CTTNBP2: variants seen among roughly 807,000 people sequenced by gnomAD.
CTTNBP2 encodes the protein cortactin-binding protein 2.
A neutral mutation model predicts 156.9 loss-of-function variants in CTTNBP2; 108 were observed. The ratio of observed to expected loss-of-function variants is 0.69; its 90% CI spans 0.59 to 0.81. The LOEUF (loss-of-function observed/expected upper bound fraction) is 0.81, where lower values mean the gene tolerates loss of function less well. CTTNBP2 is among the 30% of genes least tolerant of loss of function. The pLI is 0.00. For synonymous variants in CTTNBP2, 767 were observed against 751.8 expected (o/e 1.02, Z -0.33); for missense variants, 1,924 against 2,035.4 (o/e 0.95, Z 1.05).
intron 2 of CTTNBP2, among the ~76,000 whole-genome samples, chr7:117,822,343 A>T (rs1801015944): frequency 6.6e-6 from 1 of 151,690 alleles, no homozygotes; most frequent in African/African-American, 2.4e-5. Flanking sequence ...CTTTATTATT[A>T]TTTTTCCTAT....
intron 9 of CTTNBP2, among the ~76,000 whole-genome samples, chr7:117,763,543 T>TTTC (rs1021669079): frequency 3.6e-4 from 52 of 146,430 alleles, no homozygotes; most frequent in Non-Finnish European, 6.8e-4. Flanking sequence ...TTGTTTTCTT[T>TTTC]TTCTTCTTCT....
chr7:117,739,296 G>A (rs917896135), intron 14 of CTTNBP2, among the ~76,000 whole-genome samples: 1 of 152,146 alleles, frequency 6.6e-6, no homozygotes, highest in Non-Finnish European at 1.5e-5. Context: ...TCTCTGATCA[G>A]GGCTTATGGA....
chr7:117,775,857 C>T (rs150389055), intron 8 of CTTNBP2, among the ~76,000 whole-genome samples: 4 of 152,046 alleles, frequency 2.6e-5, no homozygotes, highest in Non-Finnish European at 5.9e-5. Flanking sequence ...ATCAAGTTCC[C>T]AGAATTTTTT....
chr7:117,830,077 T>C (rs1801509464), intron 2 of CTTNBP2, among the ~76,000 whole-genome samples: 1 of 152,220 alleles, frequency 6.6e-6, no homozygotes, highest in African/African-American at 2.4e-5. Context: ...AAATGATTTT[T>C]AAAAATCAAT....
intron 12 of CTTNBP2, chr7:117,755,504 C>A (rs1380996409): frequency 1.3e-5 from 6 of 466,638 alleles, no homozygotes; most frequent in African/African-American, 8.0e-5. Flanking sequence ...GAGACTTGCA[C>A]AATCCTGGCT....
chr7:117,773,191 G>C (rs923728992), intron 8 of CTTNBP2, among the ~76,000 whole-genome samples: 1 of 152,112 alleles, frequency 6.6e-6, no homozygotes. Context: ...ATGCGACAAC[G>C]AATAACTTTA....
intron 8 of CTTNBP2, among the ~76,000 whole-genome samples, chr7:117,770,106 C>A (rs1175763858): frequency 6.6e-6 from 1 of 152,088 alleles, no homozygotes; most frequent in Non-Finnish European, 1.5e-5. Flanking sequence ...GAAAACAGTC[C>A]AAATATCCAG....
intron 2 of CTTNBP2, among the ~76,000 whole-genome samples, chr7:117,817,347 A>T (rs28461753): frequency 0.012 from 584 of 48,430 alleles, 53 homozygotes; most frequent in African/African-American, 0.044. Context: ...AAAAAAAAAA[A>T]AAAAAAAAAA....
intron 22 of CTTNBP2, 57 bp from the exon 23 acceptor site, chr7:117,711,839 T>TA: frequency 6.6e-7 from 1 of 1,518,522 alleles, no homozygotes; most frequent in Non-Finnish European, 8.9e-7. Context: ...TTATGAGCCC[T>TA]ACCCCTGCCT....
chr7:117,749,275 C>T (rs1258996485), intron 12 of CTTNBP2, among the ~76,000 whole-genome samples: 2 of 152,168 alleles, frequency 1.3e-5, no homozygotes, highest in East Asian at 3.8e-4. Context: ...TGTGGACCAC[C>T]ACTGGCTTCA....
At chr7:117,830,811 C>G (rs911571792) in intron 2 of CTTNBP2, among the ~76,000 whole-genome samples, 4 of 152,134 alleles carry the variant, frequency 2.6e-5, no homozygotes, top group African/African-American at 9.7e-5. Context: ...ACTTCTCTGG[C>G]TGAATTAATT....
intron 1 of CTTNBP2, among the ~76,000 whole-genome samples, chr7:117,870,211 G>C (rs1258560395): frequency 2.0e-5 from 3 of 152,136 alleles, no homozygotes; most frequent in Non-Finnish European, 2.9e-5. Flanking sequence ...TATTACTTTA[G>C]GGTAGCAAAG....
At chr7:117,751,629 G>C (rs1017618707) in intron 12 of CTTNBP2, among the ~76,000 whole-genome samples, 3 of 152,164 alleles carry the variant, frequency 2.0e-5, no homozygotes, top group African/African-American at 7.2e-5. Context: ...TTAATCATTT[G>C]TTGAGGTCCC....
chr7:117,784,556 T>C, intron 4 of CTTNBP2, 102 bp from the exon 5 acceptor site: 2 of 760,564 alleles, frequency 2.6e-6, no homozygotes, highest in South Asian at 4.3e-5. Context: ...TATGAACATG[T>C]GTCCCTAGAG....
rs549369811 is a variant in CTTNBP2 at position 117,795,051 on chromosome 7, C to T, written c.415-2270G>A. On this transcript the variant is annotated intron_variant, in intron 3 of 22. Transcript: ENST00000160373. ...CTGGTACTACAGGCGCCCGCCACCG[C>T]GCCCGGCTAATTTTTTTTGTATTTT... Among the ~76,000 whole-genome samples the T allele has an allele frequency of 8.6e-5, 13 of 151,300 alleles. 1 individual carries two copies. The East Asian group carries it at 1.8e-3, about 20-fold the overall frequency.
At chr7:117,717,995 T>C in intron 22 of CTTNBP2, 23 bp downstream of exon 22, 1 of 1,399,578 alleles carries the variant, frequency 7.1e-7, no homozygotes, top group Non-Finnish European at 1.0e-6. Flanking sequence ...CTTTGTTCAC[T>C]TTGGGGAGAA....
At chr7:117,802,244 TCA>T (rs1467171432) in intron 3 of CTTNBP2, among the ~76,000 whole-genome samples, 13 of 151,676 alleles carry the variant, frequency 8.6e-5, no homozygotes, top group African/African-American at 1.5e-4. Context: ...GATATAGTAA[TCA>T]CTTGAATATG....
At chr7:117,872,644 G>A (rs1240890073) in intron 1 of CTTNBP2, among the ~76,000 whole-genome samples, 2 of 152,140 alleles carry the variant, frequency 1.3e-5, no homozygotes, top group Non-Finnish European at 2.9e-5. Context: ...ACCAGGTGCA[G>A]AACCTCCACC....
intron 14 of CTTNBP2, among the ~76,000 whole-genome samples, chr7:117,736,943 C>CA (rs1795737862): frequency 6.6e-6 from 1 of 152,174 alleles, no homozygotes. Context: ...AGTATATTCT[C>CA]AATTCCTTCT....
Sources: allele counts gnomAD v4.1 joint callset (sites outside exome capture counted in the v4.1 genomes callset), GRCh38; gene constraint gnomAD v4.1.1; transcripts MANE v1.5; gene names NCBI Gene and HGNC (gene_info 2026-07-23, HGNC 2026-07-21).